Variants in SLC35D4 observed in about 807,000 individuals in gnomAD.
SLC35D4 encodes the protein solute carrier family 35 member D4.
At chr18:23,278,164 T>C in the SLC35D4 span, among the ~76,000 whole-genome samples, 9 of 152,188 alleles carry the variant, frequency 5.9e-5, no homozygotes, top group Admixed American at 5.9e-4. Flanking sequence ...CCTCTTCCAC[T>C]GATCAAAACC....
the SLC35D4 span, chr18:23,309,528 T>A: frequency 6.3e-6 from 4 of 639,942 alleles, no homozygotes; most frequent in African/African-American, 1.8e-5. Context: ...TTTTTTTTTT[T>A]AAAGAAAGCT....
chr18:23,375,791 A>G, the SLC35D4 span, among the ~76,000 whole-genome samples: 1 of 152,210 alleles, frequency 6.6e-6, no homozygotes, highest in African/African-American at 2.4e-5. Context: ...ATTCTTGCTC[A>G]AAAAAGTAAC....
chr18:23,393,995 G>A, the SLC35D4 span, among the ~76,000 whole-genome samples: 2 of 152,162 alleles, frequency 1.3e-5, no homozygotes, highest in African/African-American at 4.8e-5. Context: ...TTTGTCTATT[G>A]TGAATAATAG....
At chr18:23,376,024 C>A in the SLC35D4 span, among the ~76,000 whole-genome samples, 12 of 152,164 alleles carry the variant, frequency 7.9e-5, no homozygotes, top group Non-Finnish European at 1.5e-4. Flanking sequence ...TTTATAGAGG[C>A]AACATATATA....
the SLC35D4 span, among the ~76,000 whole-genome samples, chr18:23,361,419 G>C: frequency 1.3e-5 from 2 of 152,172 alleles, no homozygotes; most frequent in East Asian, 3.8e-4. Flanking sequence ...GCTAATGAAT[G>C]AATCGGCAGG....
the SLC35D4 span, among the ~76,000 whole-genome samples, chr18:23,265,071 G>A: frequency 6.6e-6 from 1 of 152,098 alleles, no homozygotes; most frequent in South Asian, 2.1e-4. Flanking sequence ...ACAACATTAG[G>A]AATTACTTTT....
the SLC35D4 span, among the ~76,000 whole-genome samples, chr18:23,275,568 C>A: frequency 6.6e-6 from 1 of 151,316 alleles, no homozygotes; most frequent in Non-Finnish European, 1.5e-5. Context: ...GTCCTCACAG[C>A]CTCTTCAGGA....
At chr18:23,341,993 GAA>G in the SLC35D4 span, among the ~76,000 whole-genome samples, 9 of 150,698 alleles carry the variant, frequency 6.0e-5, no homozygotes, top group African/African-American at 9.7e-5. Context: ...ATATACACAG[GAA>G]AAAAAAAAAT....
the SLC35D4 span, among the ~76,000 whole-genome samples, chr18:23,428,612 G>A: frequency 6.6e-6 from 1 of 151,982 alleles, no homozygotes; most frequent in South Asian, 2.1e-4. Context: ...CTAACTCTTA[G>A]GGTCCAACAA....
At chr18:23,330,007 T>C in the SLC35D4 span, among the ~76,000 whole-genome samples, 1 of 152,076 alleles carries the variant, frequency 6.6e-6, no homozygotes, top group African/African-American at 2.4e-5. Flanking sequence ...ATGAGATCAC[T>C]TGGACACAGG....
At chr18:23,420,644 G>A in the SLC35D4 span, among the ~76,000 whole-genome samples, 1 of 151,768 alleles carries the variant, frequency 6.6e-6, no homozygotes, top group Admixed American at 6.6e-5. Flanking sequence ...CCAAAGTGCT[G>A]GGATTACAGG....
the SLC35D4 span, among the ~76,000 whole-genome samples, chr18:23,346,706 C>G: frequency 5.9e-5 from 9 of 152,046 alleles, no homozygotes; most frequent in African/African-American, 1.9e-4. Context: ...TCTTATATTA[C>G]TAGTTTTTTG....
At chr18:23,266,232 G>A in the SLC35D4 span, among the ~76,000 whole-genome samples, 2 of 152,152 alleles carry the variant, frequency 1.3e-5, no homozygotes, top group Non-Finnish European at 2.9e-5. Flanking sequence ...GGCAGACCGT[G>A]CGGCCTTATG....
chr18:23,386,309 A>T, the SLC35D4 span, among the ~76,000 whole-genome samples: 70 of 152,222 alleles, frequency 4.6e-4, no homozygotes, highest in African/African-American at 1.6e-3. Context: ...ATGCAGTCAC[A>T]CATATCCTTA....
the SLC35D4 span, among the ~76,000 whole-genome samples, chr18:23,412,467 A>ATTTCTT: frequency 1.3e-5 from 2 of 152,032 alleles, no homozygotes; most frequent in South Asian, 2.1e-4. Context: ...AGACCCCTAG[A>ATTTCTT]TTTCTTTTTC....
the SLC35D4 span, among the ~76,000 whole-genome samples, chr18:23,414,084 G>C: frequency 6.8e-6 from 1 of 147,492 alleles, no homozygotes; most frequent in Non-Finnish European, 1.5e-5. Context: ...GCGAAACCCC[G>C]TCTCTACTGA....
the SLC35D4 span, among the ~76,000 whole-genome samples, chr18:23,430,884 G>C: frequency 6.6e-6 from 1 of 152,086 alleles, no homozygotes; most frequent in Non-Finnish European, 1.5e-5. Flanking sequence ...AGCTGGGCAC[G>C]GTGGCTCATG....
chr18:23,355,612 C>G, the SLC35D4 span, among the ~76,000 whole-genome samples: 12 of 146,210 alleles, frequency 8.2e-5, no homozygotes, highest in African/African-American at 2.9e-4. Context: ...TTTTTTTGGC[C>G]CAAACACACC....
chr18:23,388,670 C>T, the SLC35D4 span, among the ~76,000 whole-genome samples: 1 of 152,238 alleles, frequency 6.6e-6, no homozygotes, highest in East Asian at 1.9e-4. Flanking sequence ...TCTGTGTCCC[C>T]ACCCAAATCT....
Sources: allele counts gnomAD v4.1 joint callset (sites outside exome capture counted in the v4.1 genomes callset), GRCh38; gene constraint gnomAD v4.1.1; transcripts MANE v1.5; gene names NCBI Gene and HGNC (gene_info 2026-07-23, HGNC 2026-07-21).